The following SH2B2 variants were observed in gnomAD, a reference collection of about 807,000 sequenced individuals.
SH2B2 encodes SH2B adapter protein 2.
In SH2B2, 37 loss-of-function variants were observed where a neutral mutation model predicts 35.7. The ratio of observed to expected loss-of-function variants is 1.04; its 90% confidence interval spans 0.80 to 1.36. The LOEUF (loss-of-function observed/expected upper bound fraction) is 1.36, where lower values mean the gene tolerates loss of function less well. Ranked by LOEUF, SH2B2 falls within the 40% of genes most tolerant of loss-of-function variation. The probability of loss-of-function intolerance (pLI) is 0.00; values close to 1 mark genes in which losing one functional copy is unlikely to be tolerated. For synonymous variants in SH2B2, 383 were observed against 376.4 expected, an observed-to-expected ratio of 1.02 and a Z score of -0.20; for missense variants, 852 against 817.7, an observed-to-expected ratio of 1.04 and a Z score of -0.51.
At chr7:102,307,382 C>T (rs1344014298) in intron 3 of SH2B2, among the ~76,000 whole-genome samples, 2 of 152,202 alleles carry the variant, frequency 1.3e-5, no homozygotes, top group Admixed American at 6.5e-5. Context: ...CCTGGGCATC[C>T]GCAAAGGATC....
At chr7:102,307,737 A>G (rs1366124264) in intron 3 of SH2B2, among the ~76,000 whole-genome samples, 4 of 150,040 alleles carry the variant, frequency 2.7e-5, no homozygotes, top group Non-Finnish European at 5.9e-5. Context: ...CAGCTCTGTC[A>G]TCCTGGGAGC....
chr7:102,285,394 T>C (rs1280188122), upstream of SH2B2: 3 of 683,674 alleles, frequency 4.4e-6, no homozygotes, highest in Admixed American at 2.2e-5. Flanking sequence ...ATAGGTGTCC[T>C]GGTTCCCAAC....
chr7:102,317,152 C>A lies in SH2B2; in HGVS notation c.1187-35C>A, dbSNP rs782613440. 6.7e-6 allele frequency: 10 copies of A among 1,503,642 alleles called. No individual in the cohort carries two copies. The South Asian group carries it at 1.1e-4, about 17-fold the overall frequency. 93.1% of individuals were successfully genotyped at this position (1,503,642 alleles called of 1,614,324 possible). A position where few individuals can be genotyped will look rare whatever the true frequency, so the allele number is the denominator to read the frequency against. ...ATTTATTTGTCCCCCTTTCTCCTTC[C>A]CCCCATGTTCCTCACACTGTCATCC... On this transcript the variant is annotated intron_variant, in intron 6 of 8. Transcript: ENST00000444095.
At chr7:102,289,163 G>T (rs1453297956) in intron 1 of SH2B2, among the ~76,000 whole-genome samples, 1 of 152,244 alleles carries the variant, frequency 6.6e-6, no homozygotes, top group East Asian at 1.9e-4. Context: ...CGCTGTGTGG[G>T]CGTGCAGCAT....
At chr7:102,307,192 G>A (rs1554555062) in intron 3 of SH2B2, among the ~76,000 whole-genome samples, 1 of 152,250 alleles carries the variant, frequency 6.6e-6, no homozygotes, top group Non-Finnish European at 1.5e-5. Flanking sequence ...TCCTGTCCCA[G>A]GGCACTGGAG....
chr7:102,301,577 TGTGTGCGCGCGC>T, intron 2 of SH2B2, among the ~76,000 whole-genome samples: 1 of 149,266 alleles, frequency 6.7e-6, no homozygotes, highest in Non-Finnish European at 1.5e-5. Flanking sequence ...TGTGTGTGTG[TGTGTGCGCGCGC>T]GTGTGTGTGT....
intron 3 of SH2B2, among the ~76,000 whole-genome samples, chr7:102,307,327 C>T (rs1793444017): frequency 6.6e-6 from 1 of 152,186 alleles, no homozygotes; most frequent in Non-Finnish European, 1.5e-5. Context: ...GGGTGGCCTG[C>T]AGGGGTTTCT....
intron 3 of SH2B2, 45 bp downstream of exon 3, chr7:102,306,867 G>A (rs1554555010): frequency 1.4e-6 from 2 of 1,453,452 alleles, no homozygotes; most frequent in Non-Finnish European, 1.9e-6. Context: ...GCTGCCCCAG[G>A]CCACCTTCCC....
chr7:102,285,248 C>T (rs1554550650), upstream of SH2B2: 1 of 1,550,552 alleles, frequency 6.4e-7, no homozygotes, highest in South Asian at 1.2e-5. Context: ...CAGCCCACTA[C>T]TCTGAACCAG....
intron 7 of SH2B2, among the ~76,000 whole-genome samples, chr7:102,319,846 C>G (rs966464749): frequency 6.6e-6 from 1 of 151,994 alleles, no homozygotes. Context: ...TCACTCCTCC[C>G]CAGCCAGCCC....
intron 1 of SH2B2, among the ~76,000 whole-genome samples, chr7:102,293,481 C>A (rs1383974783): frequency 3.3e-5 from 5 of 151,052 alleles, no homozygotes; most frequent in African/African-American, 1.2e-4. Context: ...AAAAAAAAAA[C>A]ACATTTTTTC....
intron 4 of SH2B2, among the ~76,000 whole-genome samples, chr7:102,309,870 TG>T (rs1793550513): frequency 6.6e-6 from 1 of 152,068 alleles, no homozygotes; most frequent in African/African-American, 2.4e-5. Context: ...CTGGGCACGG[TG>T]GCATGCATCT....
At chr7:102,304,787 C>T (rs567716158) in intron 2 of SH2B2, among the ~76,000 whole-genome samples, 43 of 152,390 alleles carry the variant, frequency 2.8e-4, no homozygotes, top group Admixed American at 7.8e-4. Flanking sequence ...CTGGCCGGCA[C>T]GATGGCCACA....
intron 7 of SH2B2, 95 bp from the exon 8 acceptor site, chr7:102,320,236 C>T: frequency 9.5e-7 from 1 of 1,053,316 alleles, no homozygotes; most frequent in Non-Finnish European, 1.4e-6. Flanking sequence ...CCATACAGCC[C>T]CTGTGAGCCT....
upstream of SH2B2, chr7:102,286,841 A>T (rs1226427599): frequency 5.5e-5 from 1 of 18,132 alleles, no homozygotes; most frequent in Non-Finnish European, 1.1e-4. Flanking sequence ...CGGGGCCGGG[A>T]GGCGCGCGCC....
At chr7:102,288,478 A>G (rs575800219) in intron 1 of SH2B2, among the ~76,000 whole-genome samples, 3 of 152,202 alleles carry the variant, frequency 2.0e-5, no homozygotes, top group East Asian at 3.9e-4. Flanking sequence ...GCTTGGTTGA[A>G]TGCTTCTAGG....
intron 1 of SH2B2, among the ~76,000 whole-genome samples, chr7:102,287,408 G>T (rs1792497883): frequency 6.6e-6 from 1 of 152,184 alleles, no homozygotes; most frequent in Admixed American, 6.5e-5. Flanking sequence ...GTAGTGGGGC[G>T]AGAGCAGCCG....
intron 2 of SH2B2, among the ~76,000 whole-genome samples, chr7:102,305,358 C>T (rs1296802054): frequency 1.3e-5 from 2 of 152,026 alleles, no homozygotes; most frequent in Non-Finnish European, 2.9e-5. Flanking sequence ...CTCCACCTCC[C>T]GGGTTCAAGT....
intron 4 of SH2B2, 98 bp from the exon 5 acceptor site, chr7:102,314,238 G>A: frequency 2.5e-6 from 1 of 398,056 alleles, no homozygotes; most frequent in Non-Finnish European, 4.4e-6. Context: ...TAGATGCTGG[G>A]CCATGGGACT....
Sources: allele counts gnomAD v4.1 joint callset (sites outside exome capture counted in the v4.1 genomes callset), GRCh38; gene constraint gnomAD v4.1.1; transcripts MANE v1.5; gene names NCBI Gene and HGNC (gene_info 2026-07-23, HGNC 2026-07-21).